FIGN: variants seen among roughly 807,000 people sequenced by gnomAD.
FIGN encodes fidgetin, microtubule severing factor, also known as fidgetin.
In FIGN, 11 loss-of-function variants were observed where a neutral mutation model predicts 51.3. The observed-to-expected ratio is 0.21, with a 90% CI of 0.13 to 0.35. The LOEUF (loss-of-function observed/expected upper bound fraction) is 0.35. FIGN is among the 10% of genes least tolerant of loss of function. The pLI is 1.00. For missense variants in FIGN, 857 were observed against 943.6 expected (o/e 0.91, Z 1.20); for synonymous variants, 407 against 363.2 (o/e 1.12, Z -1.37).
At chr2:163,683,418 G>A (rs1287382260) in intron 2 of FIGN, among the ~76,000 whole-genome samples, 1 of 152,140 alleles carries the variant, frequency 6.6e-6, no homozygotes, top group African/African-American at 2.4e-5. Flanking sequence ...GGGACTAGAA[G>A]AAGAAAACTA....
chr2:163,647,461 T>C (rs548797347), intron 2 of FIGN, among the ~76,000 whole-genome samples: 2 of 152,096 alleles, frequency 1.3e-5, no homozygotes, highest in Non-Finnish European at 1.5e-5. Context: ...TCCACTAGAT[T>C]AGAGATATGG....
At chr2:163,653,830 C>T (rs1683516132) in intron 2 of FIGN, among the ~76,000 whole-genome samples, 1 of 151,932 alleles carries the variant, frequency 6.6e-6, no homozygotes. Context: ...TTTTAAAAAA[C>T]TTTTAATTTT....
At chr2:163,728,769 C>T (rs1479837281) in intron 2 of FIGN, among the ~76,000 whole-genome samples, 2 of 152,116 alleles carry the variant, frequency 1.3e-5, no homozygotes, top group Non-Finnish European at 2.9e-5. Flanking sequence ...CACACAGGCC[C>T]CCACCCCACC....
rs1691154869 is a variant in FIGN at position 163,608,280 on chromosome 2, GGTTT to G, written c.*1268_*1271del. On this transcript the variant is annotated 3_prime_UTR_variant, in exon 3 of 3. Transcript: ENST00000333129. ...GGATATATATATGTGTATGTAAGTTGGTTTGTTGGTTGGTTTTTGTTTTTATTTA... is the reference window on the plus strand; with the variant it reads ...GGATATATATATGTGTATGTAAGTTGGTTGGTTGGTTTTTGTTTTTATTTA... 2 of 152,544 alleles carry G rather than the reference GGTTT, an allele frequency of 1.3e-5. No homozygotes were observed. The highest frequency in any genetic ancestry group is 2.9e-5 in the Non-Finnish European group (2 of 68,086). 9.4% of individuals were successfully genotyped at this position (152,544 alleles called of 1,614,324 possible).
At chr2:163,691,683 C>G (rs2105345534) in intron 2 of FIGN, among the ~76,000 whole-genome samples, 1 of 152,240 alleles carries the variant, frequency 6.6e-6, no homozygotes, top group Non-Finnish European at 1.5e-5. Context: ...ACAAATATTT[C>G]ATGTTACCTA....
intron 2 of FIGN, among the ~76,000 whole-genome samples, chr2:163,684,015 GT>G (rs1167525396): frequency 1.3e-5 from 2 of 152,058 alleles, no homozygotes; most frequent in Non-Finnish European, 2.9e-5. Flanking sequence ...CAATCTCTGT[GT>G]TTTTCCAATG....
chr2:163,603,960 G>A lies in FIGN; in HGVS notation c.*5592C>T, dbSNP rs1691030920. The A allele has an allele frequency of 6.6e-6, 1 of 152,036 alleles. No homozygotes were observed. Among genetic ancestry groups the A allele is most frequent in the Non-Finnish European group, 1.5e-5 (1 of 67,968 alleles). The allele number at this position is 152,036 out of a possible 1,614,324, so 9.4% of individuals were successfully genotyped here. On this transcript the variant is annotated 3_prime_UTR_variant, in exon 3 of 3. Transcript: ENST00000333129. ...TCAATAAACAAATACATGTTATAAA[G>A]GGAAATCAGAAACAAAATGCTTTCA...
intron 2 of FIGN, among the ~76,000 whole-genome samples, chr2:163,705,278 T>C (rs1684480917): frequency 6.6e-6 from 1 of 152,284 alleles, no homozygotes; most frequent in South Asian, 2.1e-4. Context: ...TGTTCAACAC[T>C]CTTCGTTGCA....
At chr2:163,618,996 T>C (rs1458852322) in intron 2 of FIGN, among the ~76,000 whole-genome samples, 1 of 152,202 alleles carries the variant, frequency 6.6e-6, no homozygotes, top group African/African-American at 2.4e-5. Context: ...ATAACTTTCT[T>C]ATTGATACAG....
chr2:163,658,714 G>C (rs1190978662), intron 2 of FIGN, among the ~76,000 whole-genome samples: 4 of 152,144 alleles, frequency 2.6e-5, no homozygotes, highest in African/African-American at 9.7e-5. Flanking sequence ...ATGACACCAA[G>C]CCATTCAGGA....
chr2:163,663,513 T>C (rs1484518419), intron 2 of FIGN, among the ~76,000 whole-genome samples: 1 of 151,702 alleles, frequency 6.6e-6, no homozygotes, highest in East Asian at 2.0e-4. Flanking sequence ...TTTGTATTTT[T>C]AGTAGAGACG....
chr2:163,663,942 C>T (rs1046128423), intron 2 of FIGN, among the ~76,000 whole-genome samples: 2 of 151,866 alleles, frequency 1.3e-5, no homozygotes, highest in Admixed American at 6.6e-5. Context: ...AACAAAATGA[C>T]GACTTACGAG....
chr2:163,658,776 T>C (rs565652309), intron 2 of FIGN, among the ~76,000 whole-genome samples: 12 of 152,282 alleles, frequency 7.9e-5, no homozygotes, highest in Non-Finnish European at 1.2e-4. Context: ...ACCTCCAACA[T>C]TGGGGATCAA....
chr2:163,622,725 C>A (rs1462744532), intron 2 of FIGN, among the ~76,000 whole-genome samples: 4 of 151,950 alleles, frequency 2.6e-5, no homozygotes, highest in Non-Finnish European at 5.9e-5. Flanking sequence ...CCATGCCCAG[C>A]TAATTATTGT....
At chr2:163,649,307 C>T (rs1292667292) in intron 2 of FIGN, among the ~76,000 whole-genome samples, 1 of 152,158 alleles carries the variant, frequency 6.6e-6, no homozygotes, top group Non-Finnish European at 1.5e-5. Context: ...CTGAGTCAGA[C>T]CCTGTTATTC....
chr2:163,611,319 G>C lies in FIGN; in HGVS notation c.513C>G (p.His171Gln). The change falls in exon 3 of 3, where the codon CAC (histidine) becomes CAG (glutamine). Residue 171 changes from histidine (H) to glutamine (Q), a missense_variant. By Grantham distance (24) the His-to-Gln change is conservative. This residue lies in a region of FIGN where 799 missense variants were observed against 849.5 expected (regional missense o/e 0.94). Coordinates refer to ENST00000333129, the MANE Select transcript of FIGN (RefSeq NM_018086.4). ...GCCCTGCATGAAGACTGGGTACAGTGTGGCTTCCACAGGTACTACTTGAAT... is the reference window on the plus strand; with the variant it reads ...GCCCTGCATGAAGACTGGGTACAGTCTGGCTTCCACAGGTACTACTTGAAT... ...PSYSSSTCGS[H>Q]TVPSLHAGLP... 1 of 1,614,194 alleles carries C rather than the reference G, an allele frequency of 6.2e-7. No individual in the cohort carries two copies. Among genetic ancestry groups the C allele is most frequent in the South Asian group, 1.1e-5 (1 of 91,084 alleles).
chr2:163,617,445 A>C (rs888741608), intron 2 of FIGN, among the ~76,000 whole-genome samples: 19 of 152,152 alleles, frequency 1.2e-4, no homozygotes, highest in Non-Finnish European at 2.1e-4. Context: ...TTCACAGTCT[A>C]AATTCTCCAA....
intron 2 of FIGN, among the ~76,000 whole-genome samples, chr2:163,666,812 T>C (rs968999075): frequency 1.3e-5 from 2 of 152,000 alleles, no homozygotes; most frequent in Non-Finnish European, 2.9e-5. Context: ...AAATCAGAAT[T>C]TGACTTTGGG....
chr2:163,607,274 C>T lies in FIGN; in HGVS notation c.*2278G>A, dbSNP rs1277885116. ...AGGGATGCACAGGGTAGACCCAGAA[C>T]ACGATTGTAGCATTTATTCACTTGC... On this transcript the variant is annotated 3_prime_UTR_variant, in exon 3 of 3. Coordinates refer to ENST00000333129, the MANE Select transcript of FIGN (RefSeq NM_018086.4). 2.6e-5 allele frequency: 4 copies of T among 152,188 alleles called. No individual in the cohort carries two copies. Among genetic ancestry groups the T allele is most frequent in the Admixed American group, 6.6e-5 (1 of 15,264 alleles). The allele number at this position is 152,188 out of a possible 1,614,324, so 9.4% of individuals were successfully genotyped here. A position where few individuals can be genotyped will look rare whatever the true frequency, so the allele number is the denominator to read the frequency against.
Sources: gnomAD v4.1 joint callset for allele counts (sites outside exome capture counted in the v4.1 genomes callset) on GRCh38, gnomAD v4.1.1 for gene constraint, gnomAD v4.1.1 regional missense constraint, MANE v1.5 for transcripts, NCBI Gene and HGNC (gene_info 2026-07-23, HGNC 2026-07-21) for gene names.